TRAF3: variants seen among roughly 807,000 people sequenced by gnomAD.
The protein encoded by TRAF3 is TNF receptor associated factor 3.
TRAF3 carries 13 observed loss-of-function variants against 62.3 expected under a neutral mutation model. That is an observed-to-expected ratio of 0.21 (90% CI 0.14 to 0.33). TRAF3 has a LOEUF of 0.33. TRAF3 is among the 10% of genes least tolerant of loss of function. The probability of loss-of-function intolerance (pLI) is 1.00; values close to 1 mark genes in which losing one functional copy is unlikely to be tolerated. For synonymous variants in TRAF3, 269 were observed against 283.4 expected (o/e 0.95, Z 0.51); for missense variants, 440 against 741.8 (o/e 0.59, Z 4.73).
chr14:102,820,616 T>A (rs867436714), intron 1 of TRAF3, among the ~76,000 whole-genome samples: 228 of 21,478 alleles, frequency 0.011, no homozygotes, highest in African/African-American at 0.032. Flanking sequence ...ATATATATAT[T>A]TTTTTTTTTT....
chr14:102,853,392 C>T (rs1018859026), intron 2 of TRAF3, among the ~76,000 whole-genome samples: 3 of 152,050 alleles, frequency 2.0e-5, no homozygotes, highest in Non-Finnish European at 4.4e-5. Context: ...CCAGGCTGTG[C>T]GGGATTCAGG....
chr14:102,843,657 C>T (rs892832430), intron 2 of TRAF3, among the ~76,000 whole-genome samples: 8 of 152,004 alleles, frequency 5.3e-5, no homozygotes, highest in African/African-American at 1.9e-4. Flanking sequence ...CAGTTTCCAT[C>T]TGGGGCCAGG....
At chr14:102,877,876 G>A (rs1000267051) in intron 6 of TRAF3, among the ~76,000 whole-genome samples, 12 of 152,008 alleles carry the variant, frequency 7.9e-5, no homozygotes, top group East Asian at 1.9e-4. Context: ...CAGGCCTTCC[G>A]CTGAGTTCAT....
chr14:102,783,318 G>T (rs1897341422), intron 1 of TRAF3, among the ~76,000 whole-genome samples: 1 of 152,124 alleles, frequency 6.6e-6, no homozygotes, highest in Admixed American at 6.5e-5. Context: ...TGCATTATGG[G>T]GGTTCTTTGA....
intron 1 of TRAF3, among the ~76,000 whole-genome samples, chr14:102,790,635 A>G (rs768293134): frequency 7.9e-5 from 12 of 152,184 alleles, no homozygotes; most frequent in Non-Finnish European, 8.8e-5. Context: ...TCATGAGAAC[A>G]GCACCCCCAC....
intron 2 of TRAF3, among the ~76,000 whole-genome samples, chr14:102,863,368 C>G (rs1357146603): frequency 2.0e-5 from 3 of 152,132 alleles, no homozygotes; most frequent in Non-Finnish European, 2.9e-5. Flanking sequence ...GTTCTCTGTT[C>G]CATTAATATA....
chr14:102,847,835 C>A (rs1440434095), intron 2 of TRAF3, among the ~76,000 whole-genome samples: 1 of 152,086 alleles, frequency 6.6e-6, no homozygotes, highest in Non-Finnish European at 1.5e-5. Context: ...ATATACATGG[C>A]ACTTTGGTTT....
At chr14:102,860,670 C>T (rs529822413) in intron 2 of TRAF3, among the ~76,000 whole-genome samples, 35 of 152,314 alleles carry the variant, frequency 2.3e-4, no homozygotes, top group Middle Eastern at 3.4e-3. Flanking sequence ...CACCCAAATG[C>T]CAACCAGAAA....
chr14:102,894,249 C>G (rs1889884384), intron 9 of TRAF3, among the ~76,000 whole-genome samples: 1 of 152,116 alleles, frequency 6.6e-6, no homozygotes, highest in African/African-American at 2.4e-5. Context: ...ATGGCGTGAA[C>G]CCGGGAGGCA....
intron 11 of TRAF3, among the ~76,000 whole-genome samples, chr14:102,904,429 G>A (rs976785234): frequency 1.8e-4 from 28 of 152,186 alleles, no homozygotes; most frequent in African/African-American, 6.5e-4. Context: ...TAGTCCCAGT[G>A]CTTTGGGAGG....
intron 2 of TRAF3, among the ~76,000 whole-genome samples, chr14:102,864,791 C>T (rs1887885208): frequency 1.3e-5 from 2 of 152,166 alleles, no homozygotes; most frequent in South Asian, 4.1e-4. Flanking sequence ...GATTCTTGCC[C>T]TCTCTCTGTT....
At chr14:102,789,071 T>A (rs1446955452) in intron 1 of TRAF3, among the ~76,000 whole-genome samples, 2 of 152,190 alleles carry the variant, frequency 1.3e-5, no homozygotes, top group Non-Finnish European at 2.9e-5. Flanking sequence ...CTGCTTTTGG[T>A]CTCTGTGGAT....
chr14:102,790,957 TG>T (rs1188851522), intron 1 of TRAF3, among the ~76,000 whole-genome samples: 3 of 151,914 alleles, frequency 2.0e-5, no homozygotes, highest in East Asian at 3.9e-4. Context: ...TAGATTGCTT[TG>T]GGGGGTTGCA....
rs775078064 is a variant in TRAF3 at position 102,876,343 on chromosome 14, T to G, written c.403-15T>G. 1.2e-5 allele frequency: 19 copies of G among 1,613,828 alleles called. No individual in the cohort carries two copies. Among genetic ancestry groups the G allele is most frequent in the Non-Finnish European group, 1.5e-5 (18 of 1,179,868 alleles). On this transcript the variant is annotated splice_polypyrimidine_tract_variant and intron_variant, in intron 5 of 11. Coordinates refer to ENST00000392745, the MANE Select transcript of TRAF3 (RefSeq NM_145725.3). ...TTTTTTCCCAATTAAGAACATTGAA[T>G]GGTCTGTCTTACAGGTGCATTTAAA...
At chr14:102,811,496 A>G (rs1899138264) in intron 1 of TRAF3, among the ~76,000 whole-genome samples, 1 of 132,562 alleles carries the variant, frequency 7.5e-6, no homozygotes, top group African/African-American at 2.9e-5. Flanking sequence ...GCTCTTGACC[A>G]TTCCCACAAG....
chr14:102,805,737 G>T (rs898266456), intron 1 of TRAF3, among the ~76,000 whole-genome samples: 46 of 152,170 alleles, frequency 3.0e-4, no homozygotes, highest in Admixed American at 3.0e-3. Context: ...CAGCTAGAGC[G>T]TGAGGCAGTC....
intron 1 of TRAF3, among the ~76,000 whole-genome samples, chr14:102,789,950 C>T (rs557571963): frequency 6.6e-6 from 1 of 152,012 alleles, no homozygotes; most frequent in South Asian, 2.1e-4. Flanking sequence ...GCCTCAGTCT[C>T]CTGAGTAACT....
intron 1 of TRAF3, chr14:102,809,247 A>G (rs1898969263): frequency 6.6e-6 from 1 of 152,226 alleles, no homozygotes; most frequent in African/African-American, 2.4e-5. Flanking sequence ...TGGCCTCTCA[A>G]AGTGCTGGGA....
chr14:102,799,590 A>G (rs1898276295), intron 1 of TRAF3, among the ~76,000 whole-genome samples: 2 of 152,138 alleles, frequency 1.3e-5, no homozygotes, highest in African/African-American at 4.8e-5. Context: ...AGCTGGGACT[A>G]CAGGCACATG....
Sources: allele counts gnomAD v4.1 joint callset (sites outside exome capture counted in the v4.1 genomes callset), GRCh38; gene constraint gnomAD v4.1.1; transcripts MANE v1.5; gene names NCBI Gene and HGNC (gene_info 2026-07-23, HGNC 2026-07-21).